PCDH15: variants seen among roughly 807,000 people sequenced by gnomAD.
PCDH15 encodes protocadherin related 15, also known as protocadherin-15.
A neutral mutation model predicts 178.5 loss-of-function variants in PCDH15; 129 were observed. That is an observed-to-expected ratio of 0.72 (90% CI 0.63 to 0.84). The LOEUF (loss-of-function observed/expected upper bound fraction) is 0.84. PCDH15 is among the 40% of genes least tolerant of loss of function. PCDH15 has a pLI of 0.00. For synonymous variants in PCDH15, 800 were observed against 732.0 expected (o/e 1.09, Z -1.50); for missense variants, 2,230 against 2,099.9 (o/e 1.06, Z -1.21).
chr10:53,827,606 A>T, intron 31 of PCDH15, 58 bp from the exon 32 acceptor site: 1 of 1,599,576 alleles, frequency 6.3e-7, no homozygotes, highest in Non-Finnish European at 8.6e-7. Context: ...ATGCTTATCA[A>T]TAAGCCACCT....
chr10:54,083,287 T>C (rs1055516570), intron 16 of PCDH15, among the ~76,000 whole-genome samples: 2 of 152,130 alleles, frequency 1.3e-5, no homozygotes, highest in African/African-American at 4.8e-5. Context: ...AGTATATACT[T>C]AAAAAAGCCA....
intron 3 of PCDH15, among the ~76,000 whole-genome samples, chr10:54,456,454 GA>G (rs77280311): frequency 0.15 from 22,127 of 152,180 alleles, 1,711 homozygotes; most frequent in East Asian, 0.29. Context: ...CCTCTATGTG[GA>G]ATGGATGTAT....
intron 8 of PCDH15, among the ~76,000 whole-genome samples, chr10:54,249,016 A>G (rs2056244094): frequency 7.2e-6 from 1 of 139,306 alleles, no homozygotes; most frequent in South Asian, 2.1e-4. Context: ...CTTGGTGATT[A>G]AAAAATGATC....
At chr10:54,437,234 A>G (rs562457890) in intron 3 of PCDH15, among the ~76,000 whole-genome samples, 3 of 152,338 alleles carry the variant, frequency 2.0e-5, no homozygotes, top group Admixed American at 2.0e-4. Context: ...TATATCCTGC[A>G]GAGTTGCTAG....
At chr10:54,321,958 T>G (rs2061637296) in intron 7 of PCDH15, among the ~76,000 whole-genome samples, 1 of 152,000 alleles carries the variant, frequency 6.6e-6, no homozygotes, top group Non-Finnish European at 1.5e-5. Flanking sequence ...ATATGTCTCA[T>G]GCACACTCAT....
chr10:54,414,214 G>C (rs4935108), intron 3 of PCDH15, among the ~76,000 whole-genome samples: 71,670 of 151,922 alleles, frequency 0.47, 17,639 homozygotes, highest in Non-Finnish European at 0.53. Context: ...AAAAACTGAA[G>C]ACTTGAATCA....
chr10:55,535,942 C>A (rs1013455365), intron 2 of PCDH15, among the ~76,000 whole-genome samples: 1 of 151,958 alleles, frequency 6.6e-6, no homozygotes, highest in African/African-American at 2.4e-5. Context: ...AAATACAATG[C>A]AGTCAAACGT....
At chr10:55,565,777 A>T (rs1403145970) in intron 2 of PCDH15, among the ~76,000 whole-genome samples, 1 of 151,682 alleles carries the variant, frequency 6.6e-6, no homozygotes, top group Non-Finnish European at 1.5e-5. Flanking sequence ...AAACTTACCA[A>T]CACTAAATAA....
intron 3 of PCDH15, among the ~76,000 whole-genome samples, chr10:54,518,830 A>G (rs370916054): frequency 6.6e-6 from 1 of 152,162 alleles, no homozygotes; most frequent in Non-Finnish European, 1.5e-5. Flanking sequence ...CTGGCAAACC[A>G]AATCCAGCAG....
At chr10:54,431,456 C>T (rs868068072) in intron 3 of PCDH15, among the ~76,000 whole-genome samples, 1 of 152,112 alleles carries the variant, frequency 6.6e-6, no homozygotes, top group Non-Finnish European at 1.5e-5. Flanking sequence ...TCAACATATG[C>T]ACATCAATCA....
At chr10:53,832,287 A>T (rs961785374) in intron 29 of PCDH15, among the ~76,000 whole-genome samples, 2 of 152,004 alleles carry the variant, frequency 1.3e-5, no homozygotes, top group African/African-American at 4.8e-5. Flanking sequence ...AGAATCAAGG[A>T]ATAATTATTC....
intron 2 of PCDH15, among the ~76,000 whole-genome samples, chr10:55,589,381 T>G (rs1253511293): frequency 6.6e-6 from 1 of 152,200 alleles, no homozygotes; most frequent in Non-Finnish European, 1.5e-5. Context: ...ACGGCGTTAT[T>G]TCTGAGGGCT....
chr10:54,486,350 G>A (rs1285585092), intron 3 of PCDH15: 1 of 151,924 alleles, frequency 6.6e-6, no homozygotes, highest in Non-Finnish European at 1.5e-5. Flanking sequence ...ACATATTTAA[G>A]AGAATCATAT....
chr10:54,953,719 C>G (rs987453358), intron 2 of PCDH15, among the ~76,000 whole-genome samples: 4 of 151,282 alleles, frequency 2.6e-5, no homozygotes, highest in Admixed American at 2.0e-4. Flanking sequence ...ATGAAAATTC[C>G]ACTTAAATAT....
intron 3 of PCDH15, among the ~76,000 whole-genome samples, chr10:54,526,879 A>G (rs1391332935): frequency 2.0e-5 from 3 of 152,162 alleles, no homozygotes; most frequent in Non-Finnish European, 4.4e-5. Flanking sequence ...GGAATTGCCT[A>G]TACAGGTTTC....
chr10:53,889,285 C>T (rs924673788), intron 26 of PCDH15, among the ~76,000 whole-genome samples: 2 of 151,744 alleles, frequency 1.3e-5, no homozygotes, highest in African/African-American at 2.4e-5. Flanking sequence ...CCTTGGGAGA[C>T]GATATATCCA....
chr10:54,789,555 A>C (rs1951196932), intron 1 of PCDH15, among the ~76,000 whole-genome samples: 2 of 151,942 alleles, frequency 1.3e-5, no homozygotes, highest in African/African-American at 2.4e-5. Flanking sequence ...CCTTAGCAAC[A>C]ATCATAATCA....
chr10:54,945,968 T>C (rs1838189173), intron 2 of PCDH15, among the ~76,000 whole-genome samples: 1 of 151,898 alleles, frequency 6.6e-6, no homozygotes, highest in South Asian at 2.1e-4. Context: ...GTGTTAGTCA[T>C]ACATACTGAA....
chr10:55,514,627 C>T (rs1381127511), intron 2 of PCDH15, among the ~76,000 whole-genome samples: 5 of 152,144 alleles, frequency 3.3e-5, no homozygotes, highest in South Asian at 2.1e-4. Context: ...CCCAGCAATA[C>T]TTGCCTATCT....
Sources: gnomAD v4.1 joint callset for allele counts (sites outside exome capture counted in the v4.1 genomes callset) on GRCh38, gnomAD v4.1.1 for gene constraint, MANE v1.5 for transcripts, NCBI Gene and HGNC (gene_info 2026-07-23, HGNC 2026-07-21) for gene names.